Variants in FRMD4B observed in about 807,000 individuals in gnomAD.
FRMD4B encodes FERM domain containing 4B.
A neutral mutation model predicts 141.5 loss-of-function variants in FRMD4B; 74 were observed. The observed-to-expected ratio is 0.52, with a 90% CI of 0.43 to 0.63. The LOEUF (loss-of-function observed/expected upper bound fraction) is 0.63. Among genes scored for constraint, FRMD4B ranks in the 30% least tolerant of loss-of-function variants. The pLI, the probability that FRMD4B is intolerant of heterozygous loss-of-function variation, is 0.00. For synonymous variants in FRMD4B, 506 were observed against 467.9 expected (o/e 1.08, Z -1.05); for missense variants, 1,366 against 1,253.4 (o/e 1.09, Z -1.36).
At chr3:69,380,707 C>T (rs1389891920) in intron 1 of FRMD4B, among the ~76,000 whole-genome samples, 1 of 152,190 alleles carries the variant, frequency 6.6e-6, no homozygotes, top group Non-Finnish European at 1.5e-5. Context: ...CTCAGGGGAG[C>T]TGACCCAGCC....
chr3:69,203,590 A>G lies in FRMD4B; in HGVS notation c.877-4816T>C, dbSNP rs369776121. Among the ~76,000 whole-genome samples, 345 of 152,288 alleles carry G rather than the reference A, an allele frequency of 2.3e-3. 3 individuals carry two copies. Among genetic ancestry groups the G allele is most frequent in the African/African-American group, 7.8e-3 (325 of 41,558 alleles). On this transcript the variant is annotated intron_variant, in intron 11 of 22. Transcript: ENST00000398540. ...ACCAAGTCAGATTGCCTTGGTTAGC[A>G]TTCTGGTACTGCCACTTCTAGCTGT...
intron 1 of FRMD4B, among the ~76,000 whole-genome samples, chr3:69,370,044 G>C (rs1486004746): frequency 6.6e-6 from 1 of 151,852 alleles, no homozygotes; most frequent in Non-Finnish European, 1.5e-5. Context: ...CAAAGAGTTG[G>C]GGAAAGCAAG....
At chr3:69,512,295 A>C (rs1429450641) in intron 1 of FRMD4B, among the ~76,000 whole-genome samples, 1 of 152,182 alleles carries the variant, frequency 6.6e-6, no homozygotes, top group South Asian at 2.1e-4. Flanking sequence ...TTTGGTTTTA[A>C]TATCTTAATA....
intron 2 of FRMD4B, among the ~76,000 whole-genome samples, chr3:69,402,695 C>T (rs1450705989): frequency 1.3e-5 from 2 of 152,060 alleles, no homozygotes; most frequent in Non-Finnish European, 2.9e-5. Context: ...CTCTAGATCT[C>T]GTGGATACCA....
chr3:69,446,953 G>A (rs952925429), intron 1 of FRMD4B, among the ~76,000 whole-genome samples: 1 of 152,164 alleles, frequency 6.6e-6, no homozygotes, highest in African/African-American at 2.4e-5. Flanking sequence ...CAGAGTCTGA[G>A]TGGGTTGATC....
intron 1 of FRMD4B, among the ~76,000 whole-genome samples, chr3:69,436,047 G>A (rs1474603928): frequency 6.6e-6 from 1 of 152,144 alleles, no homozygotes; most frequent in Non-Finnish European, 1.5e-5. Flanking sequence ...AAGGACAGGA[G>A]ATTCAGTTAC....
At chr3:69,257,548 C>T (rs1489040782) in intron 5 of FRMD4B, among the ~76,000 whole-genome samples, 1 of 152,160 alleles carries the variant, frequency 6.6e-6, no homozygotes, top group African/African-American at 2.4e-5. Flanking sequence ...ACTAACCATG[C>T]TAAATATTTT....
chr3:69,484,395 G>T (rs78259949), intron 1 of FRMD4B, among the ~76,000 whole-genome samples: 1 of 152,056 alleles, frequency 6.6e-6, no homozygotes, highest in Non-Finnish European at 1.5e-5. Context: ...AGATCTTTGG[G>T]GTGTTGATTT....
chr3:69,181,171 T>C lies in FRMD4B; in HGVS notation c.2579A>G (p.Asp860Gly). ...QRDYSRSFHE[D>G]EVDRVPHNPY... ...GTTATGGGGTACCCGGTCGACCTCA[T>C]CTTCGTGAAAGGATCTGCTGTAGTC... Residue 860 changes from aspartate (D) to glycine (G), a missense_variant, in exon 21 of 23, where the codon GAT becomes GGT. By Grantham distance (94) the Asp-to-Gly change is moderately conservative. Transcript: ENST00000398540. The C allele has an allele frequency of 6.2e-7, 1 of 1,613,988 alleles. No individual in the cohort carries two copies. The highest frequency in any genetic ancestry group is 8.5e-7 in the Non-Finnish European group (1 of 1,179,876).
intron 1 of FRMD4B, among the ~76,000 whole-genome samples, chr3:69,343,803 C>T (rs1229856180): frequency 1.3e-5 from 2 of 151,988 alleles, no homozygotes; most frequent in East Asian, 3.9e-4. Context: ...TGGTATCGAA[C>T]TCCTGGCCTC....
At chr3:69,360,074 T>A (rs1251103987) in intron 1 of FRMD4B, among the ~76,000 whole-genome samples, 1 of 152,212 alleles carries the variant, frequency 6.6e-6, no homozygotes, top group East Asian at 1.9e-4. Flanking sequence ...CCTGTCTTTC[T>A]GCAGAACCTG....
chr3:69,536,307 G>T, intron 1 of FRMD4B: 1 of 643,958 alleles, frequency 1.6e-6, no homozygotes, highest in Non-Finnish European at 2.8e-6. Flanking sequence ...TTTTCCTCTT[G>T]TGCTTGGGAT....
intron 1 of FRMD4B, among the ~76,000 whole-genome samples, chr3:69,378,564 G>A (rs915642271): frequency 1.3e-5 from 2 of 152,134 alleles, no homozygotes; most frequent in African/African-American, 4.8e-5. Context: ...CCCCATTTAT[G>A]CTGACTGATA....
At chr3:69,389,815 T>C (rs928820145), upstream of FRMD4B, among the ~76,000 whole-genome samples, 4 of 152,088 alleles carry the variant, frequency 2.6e-5, no homozygotes, top group Non-Finnish European at 5.9e-5. Context: ...ACTAACCAGA[T>C]CCCAGACACA....
At chr3:69,358,625 A>G (rs1260940164) in intron 1 of FRMD4B, among the ~76,000 whole-genome samples, 1 of 152,092 alleles carries the variant, frequency 6.6e-6, no homozygotes, top group Non-Finnish European at 1.5e-5. Context: ...AGTCCCAGAT[A>G]CTCAGGAGGC....
chr3:69,342,755 C>A (rs1702780236), intron 1 of FRMD4B, among the ~76,000 whole-genome samples: 1 of 152,106 alleles, frequency 6.6e-6, no homozygotes, highest in Non-Finnish European at 1.5e-5. Context: ...TTTATCATTT[C>A]TTTATGTTGG....
At chr3:69,200,730 T>C (rs2092957422) in intron 11 of FRMD4B, 1 of 1,244,916 alleles carries the variant, frequency 8.0e-7, no homozygotes, top group East Asian at 5.6e-5. Context: ...TGATACTTCC[T>C]AGGAAGTAAG....
intron 7 of FRMD4B, among the ~76,000 whole-genome samples, chr3:69,235,181 A>G (rs2093337307): frequency 6.8e-6 from 1 of 146,648 alleles, no homozygotes; most frequent in Admixed American, 6.8e-5. Flanking sequence ...TAATAATAAT[A>G]ATAATAATAA....
chr3:69,498,100 A>T (rs150103780), intron 1 of FRMD4B, among the ~76,000 whole-genome samples: 14 of 152,300 alleles, frequency 9.2e-5, no homozygotes, highest in Non-Finnish European at 1.8e-4. Context: ...TATATTGAGA[A>T]GTGGGATAGC....
Sources: allele counts gnomAD v4.1 joint callset (sites outside exome capture counted in the v4.1 genomes callset), GRCh38; gene constraint gnomAD v4.1.1; transcripts MANE v1.5; gene names NCBI Gene and HGNC (gene_info 2026-07-23, HGNC 2026-07-21).